TFEC: variants seen among roughly 807,000 people sequenced by gnomAD.
TFEC encodes class E basic helix-loop-helix protein 34.
A neutral mutation model predicts 41.6 loss-of-function variants in TFEC; 31 were observed. That is an observed-to-expected ratio of 0.74 (90% CI 0.56 to 1.01). The LOEUF (loss-of-function observed/expected upper bound fraction) is 1.01, where lower values mean the gene tolerates loss of function less well. Among genes scored for constraint, TFEC ranks in the 50% least tolerant of loss-of-function variants. The probability of loss-of-function intolerance (pLI) is 0.00; values close to 1 mark genes in which losing one functional copy is unlikely to be tolerated. For synonymous variants in TFEC, 143 were observed against 140.6 expected, an observed-to-expected ratio of 1.02 and a Z score of -0.12; for missense variants, 402 against 404.1, an observed-to-expected ratio of 0.99 and a Z score of 0.04.
intron 1 of TFEC, among the ~76,000 whole-genome samples, chr7:115,987,881 G>T (rs1217527507): frequency 6.6e-6 from 1 of 152,006 alleles, no homozygotes; most frequent in Non-Finnish European, 1.5e-5. Flanking sequence ...CCATAATCAG[G>T]ATATCAAAGT....
At chr7:116,033,446 G>GT (rs1488601201), upstream of TFEC, among the ~76,000 whole-genome samples, 3 of 152,142 alleles carry the variant, frequency 2.0e-5, no homozygotes, top group East Asian at 5.8e-4. Flanking sequence ...GAAGTAAATT[G>GT]TTTAAATAAT....
At chr7:116,102,034 T>G (rs934792941) in intron 3 of TFEC, among the ~76,000 whole-genome samples, 1 of 152,210 alleles carries the variant, frequency 6.6e-6, no homozygotes, top group Non-Finnish European at 1.5e-5. Context: ...ATTCGTCCTA[T>G]CACATGTTCC....
chr7:116,122,316 G>A (rs572819651), intron 1 of TFEC, among the ~76,000 whole-genome samples: 34 of 152,026 alleles, frequency 2.2e-4, no homozygotes, highest in Non-Finnish European at 2.4e-4. Flanking sequence ...TCATTAATAA[G>A]TTCAATGTTT....
At chr7:116,013,834 C>A (rs1365610042) in intron 1 of TFEC, among the ~76,000 whole-genome samples, 1 of 152,104 alleles carries the variant, frequency 6.6e-6, no homozygotes, top group African/African-American at 2.4e-5. Context: ...ATAGGTGGAA[C>A]TTGACATAGT....
At chr7:115,977,168 A>G (rs1272915004) in intron 2 of TFEC, among the ~76,000 whole-genome samples, 1 of 152,162 alleles carries the variant, frequency 6.6e-6, no homozygotes, top group Non-Finnish European at 1.5e-5. Flanking sequence ...TAAAAAGACA[A>G]AAAACACACC....
rs142659730 is a variant in TFEC, at chr7:116,020,660, A to C, written c.-73+9973T>G. ...GCAAAAATTTTAAATAGAATACGTA[A>C]AGTGACTCTAAGAGAAAATATTACT... On this transcript the variant is annotated intron_variant, in intron 1 of 7. Coordinates refer to ENST00000265440, the MANE Select transcript of TFEC (RefSeq NM_012252.4). Among the ~76,000 whole-genome samples the C allele has an allele frequency of 3.5e-3, 532 of 152,302 alleles. 1 individual carries two copies. Among genetic ancestry groups the C allele is most frequent in the African/African-American group, 0.012 (515 of 41,566 alleles).
chr7:115,941,682 T>G (rs1212397186), intron 7 of TFEC: 5 of 591,072 alleles, frequency 8.5e-6, no homozygotes, highest in Non-Finnish European at 1.5e-5. Context: ...TATATACATA[T>G]ATACATATTC....
intron 1 of TFEC, among the ~76,000 whole-genome samples, chr7:116,004,608 C>T (rs947984940): frequency 2.6e-5 from 4 of 152,160 alleles, no homozygotes; most frequent in African/African-American, 9.7e-5. Flanking sequence ...GAATCTAAAA[C>T]TTCCCTAAAA....
intron 1 of TFEC, among the ~76,000 whole-genome samples, chr7:116,026,849 C>T (rs1475379635): frequency 1.3e-5 from 2 of 152,112 alleles, no homozygotes; most frequent in African/African-American, 2.4e-5. Flanking sequence ...ATAAAAATTG[C>T]CTTGCACATG....
chr7:116,024,661 C>A (rs1242147241), intron 1 of TFEC, among the ~76,000 whole-genome samples: 1 of 152,126 alleles, frequency 6.6e-6, no homozygotes, highest in African/African-American at 2.4e-5. Context: ...TTTTGATACT[C>A]AATACAACTC....
At chr7:116,050,379 C>T (rs1226007313) in intron 3 of TFEC, among the ~76,000 whole-genome samples, 7 of 152,276 alleles carry the variant, frequency 4.6e-5, no homozygotes, top group African/African-American at 1.7e-4. Context: ...ACTAGAGAAT[C>T]TAGAAGAAAT....
chr7:115,961,720 A>C (rs1792564265), intron 3 of TFEC, among the ~76,000 whole-genome samples: 1 of 151,780 alleles, frequency 6.6e-6, no homozygotes, highest in Non-Finnish European at 1.5e-5. Context: ...TAGATTTAAA[A>C]GGTAAAAAGT....
intron 1 of TFEC, among the ~76,000 whole-genome samples, chr7:116,009,368 CA>C (rs908185686): frequency 6.6e-6 from 1 of 152,038 alleles, no homozygotes; most frequent in Non-Finnish European, 1.5e-5. Flanking sequence ...CATCAATAAT[CA>C]AAATAAGTTA....
intron 1 of TFEC, among the ~76,000 whole-genome samples, chr7:116,000,874 C>G (rs1794565239): frequency 1.3e-5 from 2 of 151,648 alleles, no homozygotes; most frequent in Non-Finnish European, 2.9e-5. Flanking sequence ...GTCCATATTA[C>G]CTAAAGCAAT....
At chr7:115,954,668 C>A (rs1273405025) in intron 4 of TFEC, 26 bp from the exon 5 acceptor site, 2 of 1,597,686 alleles carry the variant, frequency 1.3e-6, no homozygotes, top group Non-Finnish European at 1.7e-6. Context: ...ATAATAAAAA[C>A]CATGCTTAGT....
At chr7:116,158,623 G>T (rs983236657) in intron 1 of TFEC, among the ~76,000 whole-genome samples, 2 of 152,026 alleles carry the variant, frequency 1.3e-5, no homozygotes, top group East Asian at 1.9e-4. Context: ...GAAAAAATTT[G>T]ATGTTCTGAA....
At chr7:116,097,023 G>A (rs1797478629) in intron 3 of TFEC, among the ~76,000 whole-genome samples, 1 of 151,806 alleles carries the variant, frequency 6.6e-6, no homozygotes, top group African/African-American at 2.4e-5. Context: ...CAGGGAGTCG[G>A]AGGTTGCAGT....
intron 1 of TFEC, among the ~76,000 whole-genome samples, chr7:116,014,696 G>T (rs574296099): frequency 6.6e-6 from 1 of 152,148 alleles, no homozygotes; most frequent in Non-Finnish European, 1.5e-5. Flanking sequence ...AGTTTTGTAT[G>T]TGTTATTAAG....
chr7:116,153,278 CAG>C (rs1798799735), intron 1 of TFEC, among the ~76,000 whole-genome samples: 1 of 152,026 alleles, frequency 6.6e-6, no homozygotes, highest in Admixed American at 6.6e-5. Flanking sequence ...TTTTTTGAGA[CAG>C]AGTCTCGTTC....
Sources: allele counts gnomAD v4.1 joint callset (sites outside exome capture counted in the v4.1 genomes callset), GRCh38; gene constraint gnomAD v4.1.1; transcripts MANE v1.5; gene names NCBI Gene and HGNC (gene_info 2026-07-23, HGNC 2026-07-21).